PTCD1: variants seen among roughly 807,000 people sequenced by gnomAD.
PTCD1 encodes the protein pentatricopeptide repeat domain 1.
Under a neutral mutation model 53.4 loss-of-function variants are expected in PTCD1, and 50 were observed. The ratio of observed to expected loss-of-function variants is 0.94; its 90% CI spans 0.75 to 1.19. The LOEUF (loss-of-function observed/expected upper bound fraction) is 1.19, where lower values mean the gene tolerates loss of function less well. PTCD1 is among the 50% of genes most tolerant of loss of function. The probability of loss-of-function intolerance (pLI) is 0.00; values close to 1 mark genes in which losing one functional copy is unlikely to be tolerated. For missense variants in PTCD1, 918 were observed against 904.8 expected, an observed-to-expected ratio of 1.01 and a Z score of -0.19; for synonymous variants, 413 against 394.8, an observed-to-expected ratio of 1.05 and a Z score of -0.55.
In PTCD1 at chr7:99,436,039, G is replaced by A. The variant is rs568562070; in HGVS notation, c.-26-771C>T. Among the ~76,000 whole-genome samples the A allele has an allele frequency of 1.8e-4, 27 of 152,132 alleles. No individual in the cohort carries two copies. In the East Asian group the frequency reaches 5.2e-3, roughly 29 times the overall value. On this transcript the variant is annotated intron_variant, in intron 1 of 7. Transcript: ENST00000292478. ...TAGCTCACTGCAGCCCCACCCTCCT[G>A]TGCTCAAGCGATCCTCCCATTTCAG...
At position 99,424,853 on chromosome 7, in the gene PTCD1, T is replaced by G. The variant is rs772231526; in HGVS notation, c.1679A>C (p.Asn560Thr). Residue 560 changes from asparagine to threonine, a missense_variant, in exon 6 of 8, where the codon AAC (asparagine) becomes ACC (threonine). By Grantham distance (65) the Asn-to-Thr change is moderately conservative. Transcript: ENST00000292478. Reference protein sequence around the residue: ...GLVPNLQTFCNLAIGCHRPKD... With the variant: ...GLVPNLQTFCTLAIGCHRPKD... ...CGGCCTGTGGCACCCGATGGCCAGGTTGCAGAATGTCTGCAGGTTGGGGAC... is the reference window on the plus strand; with the variant it reads ...CGGCCTGTGGCACCCGATGGCCAGGGTGCAGAATGTCTGCAGGTTGGGGAC... The G allele has an allele frequency of 4.3e-6, 7 of 1,614,132 alleles. No individual in the cohort carries two copies. In the African/African-American group the frequency reaches 6.7e-5, roughly 15 times the overall value.
chr7:99,425,887 T>C lies in PTCD1; in HGVS notation c.916-271A>G, dbSNP rs1467299911. On this transcript the variant is annotated intron_variant, in intron 5 of 7. Coordinates refer to ENST00000292478, the MANE Select transcript of PTCD1 (RefSeq NM_015545.4). ...TTCGAGACCAGCCCGACCAACATGG[T>C]GAAACCCCATCTCTACTAAAAATAC... 2.6e-5 allele frequency among the ~76,000 whole-genome samples: 4 copies of C among 152,116 alleles called. No homozygotes were observed. The South Asian group carries it at 8.3e-4, about 32-fold the overall frequency.
rs747968858 is a variant in PTCD1 at position 99,438,795 on chromosome 7, A to T, written c.-130T>A. ...CCCTCTCCCCAAGCGCGCAGGCGCA[A>T]TCCGCGTCGCCGACTCACGCGGCTG... On this transcript the variant is annotated 5_prime_UTR_variant, in exon 1 of 8. It adds an upstream start codon to the 5' untranslated region. Transcript: ENST00000292478. The T allele has an allele frequency of 9.3e-6, 13 of 1,393,314 alleles. 1 individual carries two copies. Among genetic ancestry groups the T allele is most frequent in the South Asian group, 6.1e-5 (5 of 81,872 alleles). 86.3% of individuals were successfully genotyped at this position (1,393,314 alleles called of 1,614,324 possible).
intron 4 of PTCD1, 81 bp from the exon 5 acceptor site, chr7:99,429,285 T>C (rs138349061): frequency 1.0e-5 from 16 of 1,545,596 alleles, no homozygotes; most frequent in Admixed American, 5.1e-5. Flanking sequence ...TCCTGGCACA[T>C]TGGGAGGCCA....
At chr7:99,429,515 G>C in intron 4 of PTCD1, 73 bp downstream of exon 4, 4 of 1,605,846 alleles carry the variant, frequency 2.5e-6, no homozygotes, top group Non-Finnish European at 3.4e-6. Context: ...AGGAGAGACA[G>C]ACACCACAGC....
At position 99,419,661 on chromosome 7, in the gene PTCD1, G is replaced by A. The variant is rs1795710761; in HGVS notation, c.*306C>T. On this transcript the variant is annotated 3_prime_UTR_variant, in exon 8 of 8. Coordinates refer to ENST00000292478, the MANE Select transcript of PTCD1 (RefSeq NM_015545.4). Reference sequence around the variant, plus strand: ...AGAGCATCGGCCTATGGAACCCGGCGGGGCGGCCCAGGCCCCAGGGACCAG... The same window carrying A: ...AGAGCATCGGCCTATGGAACCCGGCAGGGCGGCCCAGGCCCCAGGGACCAG... 2 of 725,776 alleles carry A rather than the reference G, an allele frequency of 2.8e-6. No homozygotes were observed. Among genetic ancestry groups the A allele is most frequent in the East Asian group, 2.7e-5 (1 of 36,944 alleles). The allele number at this position is 725,776 out of a possible 1,614,324, so 45.0% of individuals were successfully genotyped here.
rs780978634 is a variant in PTCD1, at chr7:99,424,901, G to C, written c.1631C>G (p.Pro544Arg). ...GDLEGAKALL[P>R]VLAKRGLVPN... ...GACGAGGCCCCTCTTTGCCAGGACC[G>C]GCAACAGCGCCTTGGCCCCCTCCAG... The change falls in exon 6 of 8, where the codon CCG becomes CGG. Residue 544 changes from proline (P) to arginine (R), a missense_variant. Pro to Arg is a moderately radical substitution (Grantham distance 103). Transcript: ENST00000292478. 3 of 1,614,114 alleles carry C rather than the reference G, an allele frequency of 1.9e-6. No homozygotes were observed. Among genetic ancestry groups the C allele is most frequent in the Non-Finnish European group, 2.5e-6 (3 of 1,180,058 alleles).
At chr7:99,423,981 A>C (rs1795926566) in intron 6 of PTCD1, 24 bp from the exon 7 acceptor site, 1 of 1,611,958 alleles carries the variant, frequency 6.2e-7, no homozygotes, top group Admixed American at 1.7e-5. Context: ...ACATCGTAGA[A>C]TCAAGATGAT....
intron 1 of PTCD1, among the ~76,000 whole-genome samples, chr7:99,437,646 C>T (rs1035242640): frequency 6.6e-6 from 1 of 152,112 alleles, no homozygotes; most frequent in Non-Finnish European, 1.5e-5. Context: ...TAAGTGACAG[C>T]TTAAGATACC....
At position 99,433,265 on chromosome 7, in the gene PTCD1, C is replaced by T. The variant is rs376694075; in HGVS notation, c.594+13G>A. The T allele has an allele frequency of 3.7e-5, 59 of 1,614,064 alleles. No homozygotes were observed. The highest frequency in any genetic ancestry group is 3.3e-4 in the Middle Eastern group (2 of 6,084). Reference sequence around the variant, plus strand: ...TCAGAGCCTCACCCCGGCTGCCCTGCGCCCACATGCACCTGGTTGTAGAGG... The same window carrying T: ...TCAGAGCCTCACCCCGGCTGCCCTGTGCCCACATGCACCTGGTTGTAGAGG... On this transcript the variant is annotated intron_variant, in intron 3 of 7. Coordinates refer to ENST00000292478, the MANE Select transcript of PTCD1 (RefSeq NM_015545.4).
chr7:99,426,896 T>C (rs1371447548), intron 5 of PTCD1, among the ~76,000 whole-genome samples: 4 of 147,724 alleles, frequency 2.7e-5, no homozygotes, highest in African/African-American at 1.0e-4. Context: ...GGAGCGTCTC[T>C]GCCCGGCCGC....
At chr7:99,434,718 G>C in intron 2 of PTCD1, 72 bp downstream of exon 2, 2 of 1,596,042 alleles carry the variant, frequency 1.3e-6, no homozygotes. Context: ...GGAAAGTCAG[G>C]TGACCCCTTG....
In PTCD1 at chr7:99,435,152, A is replaced by C. The variant is rs1163433454; in HGVS notation, c.91T>G (p.Trp31Gly). ...LQHLDPCRAR[W>G]AGGREGLMRP... ...ATCAGCCCCTCCCTGCCTCCTGCCC[A>C]CCTGGCTCTACAGGGGTCCAGGTGT... Residue 31 changes from tryptophan to glycine, a missense_variant, in exon 2 of 8, where the codon TGG becomes GGG. Physicochemically the swap from Trp to Gly is radical, Grantham distance 184 (BLOSUM62 -2). Transcript: ENST00000292478. 10 of 1,601,102 alleles carry C rather than the reference A, an allele frequency of 6.2e-6. No individual in the cohort carries two copies. The highest frequency in any genetic ancestry group is 8.5e-6 in the Non-Finnish European group (10 of 1,175,622).
intron 4 of PTCD1, 63 bp downstream of exon 4, chr7:99,429,525 C>T: frequency 2.5e-6 from 4 of 1,610,314 alleles, no homozygotes; most frequent in Non-Finnish European, 3.4e-6. Context: ...GACACCACAG[C>T]CCTGCCCCTG....
chr7:99,422,622 G>A lies in PTCD1; in HGVS notation c.1920+1153C>T, dbSNP rs1795866124. On this transcript the variant is annotated intron_variant, in intron 7 of 7. Transcript: ENST00000292478. ...TTTCTTTTCTAACAAAGAGCAGCCT[G>A]AAAAATCGAGCTGCAGACATAGATA... is the stretch of plus-strand genomic sequence containing the variant. 3.9e-5 allele frequency among the ~76,000 whole-genome samples: 6 copies of A among 152,212 alleles called. No individual in the cohort carries two copies. In the South Asian group the frequency reaches 1.2e-3, roughly 31 times the overall value.
rs986317120 is a variant in PTCD1 at position 99,418,310 on chromosome 7, C to T, written c.*1657G>A. ...AGAACTTTCTGTTCCAAGTACCACTCCTAGGCCAGGCGCCTCAGGAGTGGT... is the reference window on the plus strand; with the variant it reads ...AGAACTTTCTGTTCCAAGTACCACTTCTAGGCCAGGCGCCTCAGGAGTGGT... On this transcript the variant is annotated 3_prime_UTR_variant, in exon 8 of 8. Transcript: ENST00000292478. The T allele has an allele frequency of 2.5e-5, 4 of 160,612 alleles. No homozygotes were observed. Among genetic ancestry groups the T allele is most frequent in the South Asian group, 1.7e-4 (1 of 6,022 alleles). The allele number at this position is 160,612 out of a possible 1,614,324, so 9.9% of individuals were successfully genotyped here.
At chr7:99,429,446 A>G in intron 4 of PTCD1, 142 bp downstream of exon 4, 4 of 1,310,704 alleles carry the variant, frequency 3.1e-6, no homozygotes, top group Non-Finnish European at 3.2e-6. Context: ...CATCAGATCC[A>G]TCTGTGAACC....
In PTCD1 at chr7:99,435,161, T is replaced by C. The variant is rs778684737; in HGVS notation, c.82A>G (p.Arg28Gly). The C allele has an allele frequency of 6.2e-7, 1 of 1,603,400 alleles. No homozygotes were observed. Among genetic ancestry groups the C allele is most frequent in the Admixed American group, 1.7e-5 (1 of 59,924 alleles). The change falls in exon 2 of 8, where the codon AGA (arginine) becomes GGA (glycine). Residue 28 changes from arginine (R) to glycine (G), a missense_variant. Arg to Gly is a moderately radical substitution (Grantham distance 125, BLOSUM62 -2). Coordinates refer to ENST00000292478, the MANE Select transcript of PTCD1 (RefSeq NM_015545.4). ...LFILQHLDPC[R>G]ARWAGGREGL... The stretch of plus-strand genomic sequence containing the variant: ...TCCCTGCCTCCTGCCCACCTGGCTC[T>C]ACAGGGGTCCAGGTGTTGCAGGATG...
In PTCD1 at chr7:99,434,817, C is replaced by T. The variant is rs1273258661; in HGVS notation, c.426G>A (p.Gln142=). The change falls in exon 2 of 8, where the codon CAG becomes CAA. Residue 142 remains glutamine, a synonymous_variant. Transcript: ENST00000292478. ...TCCCTTCCTTGATCAGGTGTTTGCACTGCAAGAAGTACCAGTACGGGGTGT... is the reference window on the plus strand; with the variant it reads ...TCCCTTCCTTGATCAGGTGTTTGCATTGCAAGAAGTACCAGTACGGGGTGT... The part of the protein sequence containing the change: ...RRNTPYWYFL[Q]CKHLIKEGKL... 1.1e-5 allele frequency: 18 copies of T among 1,614,064 alleles called. No individual in the cohort carries two copies. The highest frequency in any genetic ancestry group is 5.3e-5 in the African/African-American group (4 of 74,924).
Sources: allele counts gnomAD v4.1 joint callset (sites outside exome capture counted in the v4.1 genomes callset), GRCh38; gene constraint gnomAD v4.1.1; transcripts MANE v1.5; gene names NCBI Gene and HGNC (gene_info 2026-07-23, HGNC 2026-07-21).